HEATR5A: variants seen among roughly 807,000 people sequenced by gnomAD.
HEATR5A encodes HEAT repeat-containing protein 5A.
Under a neutral mutation model 218.8 loss-of-function variants are expected in HEATR5A, and 178 were observed. That is an observed-to-expected ratio of 0.81 (90% CI 0.72 to 0.92). The LOEUF (loss-of-function observed/expected upper bound fraction) is 0.92. Among genes scored for constraint, HEATR5A ranks in the 40% least tolerant of loss-of-function variants. HEATR5A has a pLI of 0.00. For missense variants in HEATR5A, 2,420 were observed against 2,418.9 expected (o/e 1.00, Z -0.01); for synonymous variants, 864 against 871.6 (o/e 0.99, Z 0.15).
intron 29 of HEATR5A, 129 bp downstream of exon 29, chr14:31,308,805 A>G (rs1899639182): frequency 2.9e-6 from 2 of 690,454 alleles, no homozygotes; most frequent in East Asian, 5.6e-5. Context: ...TCAGTTGACA[A>G]TAATTGTGAG....
intron 30 of HEATR5A, 128 bp downstream of exon 30, chr14:31,307,765 C>T (rs1566748234): frequency 3.1e-6 from 3 of 956,390 alleles, no homozygotes; most frequent in Non-Finnish European, 4.7e-6. Flanking sequence ...CAAGGCCTAG[C>T]TGTGAGGCTG....
Position 31,320,622 on chromosome 14 carries a change from C to T in HEATR5A, c.3969+877G>A, listed in dbSNP as rs555860684. ...AGAGCTGGAGAAATGAGTAATACCC[C>T]GGTGGTCTGCATTTTTTCAGTCTCC... is the stretch of plus-strand genomic sequence containing the variant. On this transcript the variant is annotated intron_variant, in intron 25 of 35. Coordinates refer to ENST00000543095, the MANE Select transcript of HEATR5A (RefSeq NM_015473.4). The T allele has an allele frequency of 1.1e-3, 758 of 694,356 alleles. 3 individuals carry two copies. The highest frequency in any genetic ancestry group is 1.6e-3 in the Non-Finnish European group (621 of 381,854). The allele number at this position is 694,356 out of a possible 1,614,324, so 43.0% of individuals were successfully genotyped here. A position where few individuals can be genotyped will look rare whatever the true frequency, so the allele number is the denominator to read the frequency against.
At chr14:31,338,213 T>A (rs7161043) in intron 21 of HEATR5A, among the ~76,000 whole-genome samples, 9 of 152,320 alleles carry the variant, frequency 5.9e-5, no homozygotes, top group Admixed American at 5.9e-4. Flanking sequence ...CAAAGCAACA[T>A]GCAAAGTGCT....
At chr14:31,377,948 C>T (rs1385690239) in intron 11 of HEATR5A, among the ~76,000 whole-genome samples, 1 of 152,114 alleles carries the variant, frequency 6.6e-6, no homozygotes, top group Non-Finnish European at 1.5e-5. Flanking sequence ...ATATGATGTA[C>T]AGGAGAAAGG....
At chr14:31,343,274 G>A (rs1900902273) in intron 21 of HEATR5A, among the ~76,000 whole-genome samples, 2 of 152,114 alleles carry the variant, frequency 1.3e-5, no homozygotes, top group Admixed American at 1.3e-4. Flanking sequence ...TGTATTTTTA[G>A]TAGAGACGGG....
intron 19 of HEATR5A, among the ~76,000 whole-genome samples, chr14:31,346,513 G>A (rs1157391046): frequency 6.6e-6 from 1 of 152,134 alleles, no homozygotes; most frequent in African/African-American, 2.4e-5. Flanking sequence ...TATCAAATAG[G>A]CATGTAAGGA....
At chr14:31,313,870 T>C (rs1478782697) in intron 27 of HEATR5A, among the ~76,000 whole-genome samples, 1 of 152,246 alleles carries the variant, frequency 6.6e-6, no homozygotes, top group Non-Finnish European at 1.5e-5. Context: ...CAGTCATTAT[T>C]TATCTTTATT....
intron 22 of HEATR5A, among the ~76,000 whole-genome samples, chr14:31,336,629 T>C (rs561065616): frequency 6.6e-6 from 1 of 152,312 alleles, no homozygotes; most frequent in Admixed American, 6.5e-5. Flanking sequence ...CTCTAAAATG[T>C]AAAAGAAGGG....
Position 31,402,926 on chromosome 14 carries a change from A to G in HEATR5A, c.50T>C (p.Leu17Pro). 1 of 1,536,206 alleles carries G rather than the reference A, an allele frequency of 6.5e-7. No homozygotes were observed. The highest frequency in any genetic ancestry group is 1.2e-5 in the South Asian group (1 of 84,052). ...AAACTCTGCCTTCTGAACTTCACCT[A>G]GTTGATTGTATGCTTCTTCATTCAG... is the stretch of plus-strand genomic sequence containing the variant. ...LLLNEEAYNQLGEVQKAEFIF... is the reference protein window; with the variant it reads ...LLLNEEAYNQPGEVQKAEFIF... The change falls in exon 2 of 36, where the codon CTA becomes CCA. Residue 17 changes from leucine to proline, a missense_variant. Coordinates refer to ENST00000543095, the MANE Select transcript of HEATR5A (RefSeq NM_015473.4).
chr14:31,343,142 A>T (rs1019812908), intron 21 of HEATR5A, among the ~76,000 whole-genome samples: 2 of 149,126 alleles, frequency 1.3e-5, no homozygotes, highest in African/African-American at 5.0e-5. Flanking sequence ...CCCAGGCTGG[A>T]GTGCCAATGG....
chr14:31,321,481 C>A lies in HEATR5A; in HGVS notation c.3969+18G>T, dbSNP rs1184776090. On this transcript the variant is annotated intron_variant, in intron 25 of 35. Coordinates refer to ENST00000543095, the MANE Select transcript of HEATR5A (RefSeq NM_015473.4). ...TCTGTGTGTTTAATAATAAAATTCT[C>A]TAAAAGAAAGTGCTTACATTGGCTT... is the stretch of plus-strand genomic sequence containing the variant. The A allele has an allele frequency of 6.5e-7, 1 of 1,546,358 alleles. No homozygotes were observed. The highest frequency in any genetic ancestry group is 8.7e-7 in the Non-Finnish European group (1 of 1,143,488).
chr14:31,335,737 T>TC (rs904027992), intron 22 of HEATR5A, among the ~76,000 whole-genome samples: 2 of 152,072 alleles, frequency 1.3e-5, no homozygotes, highest in African/African-American at 4.8e-5. Flanking sequence ...CACTACAACC[T>TC]CCCCCTCCTG....
At position 31,413,983 on chromosome 14, in the gene HEATR5A, G is replaced by A. The variant is rs181426646; in HGVS notation, c.-75+6489C>T. Among the ~76,000 whole-genome samples, 7 of 152,286 alleles carry A rather than the reference G, an allele frequency of 4.6e-5. No individual in the cohort carries two copies. In the East Asian group the frequency reaches 1.2e-3, roughly 25 times the overall value. On this transcript the variant is annotated intron_variant, in intron 1 of 35. Transcript: ENST00000543095. Reference sequence around the variant, plus strand: ...TCCAGTACTTTGAGGCTTTTTGTTAGTGTTATGTCTTCCAGAGACATCAGC... The same window carrying A: ...TCCAGTACTTTGAGGCTTTTTGTTAATGTTATGTCTTCCAGAGACATCAGC...
Position 31,302,476 on chromosome 14 carries a change from C to A in HEATR5A, c.5283G>T (p.Gly1761=). 1 of 1,591,660 alleles carries A rather than the reference C, an allele frequency of 6.3e-7. No individual in the cohort carries two copies. The highest frequency in any genetic ancestry group is 1.8e-5 in the Admixed American group (1 of 57,038). Reference sequence around the variant, plus strand: ...ACTTCACAGCAGTCTCTCTGAGGACCCCGATTGTGAGGTACAATATAGTAG... The same window carrying A: ...ACTTCACAGCAGTCTCTCTGAGGACACCGATTGTGAGGTACAATATAGTAG... ...ILPTILYLTI[G]VLRETAVKLP... The change falls in exon 33 of 36, where the codon GGG becomes GGT. Residue 1761 remains glycine, a synonymous_variant. Coordinates refer to ENST00000543095, the MANE Select transcript of HEATR5A (RefSeq NM_015473.4).
At chr14:31,417,376 C>T (rs138995476) in intron 1 of HEATR5A, among the ~76,000 whole-genome samples, 19 of 151,972 alleles carry the variant, frequency 1.3e-4, no homozygotes, top group East Asian at 3.9e-4. Context: ...CTGGCTAACA[C>T]GGTGAAACCC....
At chr14:31,381,558 GA>G (rs142591545) in intron 10 of HEATR5A, among the ~76,000 whole-genome samples, 44,206 of 53,714 alleles carry the variant, frequency 0.82, 17,937 homozygotes, top group Non-Finnish European at 0.88. Flanking sequence ...TGTCTCCTTG[GA>G]AAAAAAAAAA....
Position 31,347,906 on chromosome 14 carries a change from A to C in HEATR5A, c.2710T>G (p.Leu904Val). 1 of 1,483,100 alleles carries C rather than the reference A, an allele frequency of 6.7e-7. No individual in the cohort carries two copies. The highest frequency in any genetic ancestry group is 9.0e-7 in the Non-Finnish European group (1 of 1,115,894). The allele number at this position is 1,483,100 out of a possible 1,614,324, so 91.9% of individuals were successfully genotyped here. The change falls in exon 19 of 36, where the codon TTG becomes GTG. Residue 904 changes from leucine (L) to valine (V), a missense_variant and splice_region_variant. Physicochemically the swap from Leu to Val is conservative, Grantham distance 32. Transcript: ENST00000543095. Reference protein sequence around the residue: ...AGLAQVSFDKLKSARDVVTRT... With the variant: ...AGLAQVSFDKVKSARDVVTRT... Reference sequence around the variant, plus strand: ...GTAACCACATCCCTTGCTGATTTCAATCTGTAAATATAAAAATAAAAATAA... The same window carrying C: ...GTAACCACATCCCTTGCTGATTTCACTCTGTAAATATAAAAATAAAAATAA...
rs566792102 is a variant in HEATR5A, at chr14:31,396,129, G to T, written c.448-781C>A. ...CTCAGCACTTTGGGAGGCCAAGGTG[G>T]GCCGATTGCTTGAGCTCAGGACTTC... On this transcript the variant is annotated intron_variant, in intron 4 of 35. Coordinates refer to ENST00000543095, the MANE Select transcript of HEATR5A (RefSeq NM_015473.4). Among the ~76,000 whole-genome samples the T allele has an allele frequency of 2.0e-5, 3 of 152,088 alleles. No individual in the cohort carries two copies. In the South Asian group the frequency reaches 6.2e-4, roughly 32 times the overall value.
At chr14:31,302,663 A>C (rs1899423026) in intron 32 of HEATR5A, 144 bp from the exon 33 acceptor site, 1 of 608,804 alleles carries the variant, frequency 1.6e-6, no homozygotes, top group African/African-American at 1.8e-5. Context: ...TGTTAAGATA[A>C]TGTAAGTAGC....
Sources: gnomAD v4.1 joint callset for allele counts (sites outside exome capture counted in the v4.1 genomes callset) on GRCh38, gnomAD v4.1.1 for gene constraint, MANE v1.5 for transcripts, NCBI Gene and HGNC (gene_info 2026-07-23, HGNC 2026-07-21) for gene names.